Variants in ARMH3 observed in about 807,000 individuals in gnomAD.
The protein encoded by ARMH3 is armadillo-like helical domain-containing protein 3.
A neutral mutation model predicts 99.1 loss-of-function variants in ARMH3; 60 were observed. The ratio of observed to expected loss-of-function variants is 0.61; its 90% CI spans 0.49 to 0.75. The LOEUF (loss-of-function observed/expected upper bound fraction) is 0.75, where lower values mean the gene tolerates loss of function less well. Ranked by LOEUF, ARMH3 falls within the 30% of genes least tolerant of loss-of-function variation. The pLI is 0.00. For missense variants in ARMH3, 679 were observed against 843.1 expected (o/e 0.81, Z 2.41); for synonymous variants, 285 against 292.8 (o/e 0.97, Z 0.27).
At chr10:101,992,732 T>C (rs1307281093) in intron 17 of ARMH3, among the ~76,000 whole-genome samples, 2 of 151,900 alleles carry the variant, frequency 1.3e-5, no homozygotes, top group Non-Finnish European at 2.9e-5. Flanking sequence ...CCTGACCTTG[T>C]GATCCCGCCT....
At chr10:102,029,144 G>C (rs1379337807) in intron 5 of ARMH3, among the ~76,000 whole-genome samples, 1 of 152,192 alleles carries the variant, frequency 6.6e-6, no homozygotes, top group Admixed American at 6.5e-5. Context: ...CAAAGCGCTA[G>C]GATTACAGGC....
At chr10:101,975,065 A>AAAAAAAAAAAAAAAAAAAAAAAAAAC (rs1272423332) in intron 20 of ARMH3, 147 bp downstream of exon 20, 1 of 409,224 alleles carries the variant, frequency 2.4e-6, no homozygotes, top group Non-Finnish European at 4.3e-6. Flanking sequence ...AAAAAAAAAA[A>AAAAAAAAAAAAAAAAAAAAAAAAAAC]AAAAAAAAAG....
At chr10:101,932,666 C>A (rs1843769937) in intron 23 of ARMH3, among the ~76,000 whole-genome samples, 4 of 152,142 alleles carry the variant, frequency 2.6e-5, no homozygotes, top group Non-Finnish European at 5.9e-5. Context: ...TCACGAAGGA[C>A]AAATATTTTA....
intron 24 of ARMH3, among the ~76,000 whole-genome samples, chr10:101,860,282 T>G (rs2135308005): frequency 6.6e-6 from 1 of 152,196 alleles, no homozygotes; most frequent in Middle Eastern, 3.4e-3. Context: ...AGATGAATAG[T>G]TAATATAAGG....
At chr10:101,902,119 C>T (rs1487290103) in intron 23 of ARMH3, among the ~76,000 whole-genome samples, 1 of 152,144 alleles carries the variant, frequency 6.6e-6, no homozygotes, top group Admixed American at 6.5e-5. Flanking sequence ...CTAAGATTTA[C>T]AAATGGCACT....
intron 20 of ARMH3, among the ~76,000 whole-genome samples, chr10:101,962,157 A>G (rs1463098916): frequency 6.6e-6 from 1 of 152,212 alleles, no homozygotes; most frequent in Non-Finnish European, 1.5e-5. Context: ...CCCTCAAAAG[A>G]GAATGGCATA....
chr10:101,896,150 G>A (rs920200471), intron 23 of ARMH3, among the ~76,000 whole-genome samples: 1 of 152,184 alleles, frequency 6.6e-6, no homozygotes, highest in Admixed American at 6.5e-5. Flanking sequence ...CAGATCACTT[G>A]AGCCTAGGAG....
At chr10:102,045,462 C>A (rs942916081) in intron 1 of ARMH3, among the ~76,000 whole-genome samples, 2 of 152,124 alleles carry the variant, frequency 1.3e-5, no homozygotes, top group African/African-American at 4.8e-5. Flanking sequence ...TCTGGAATAA[C>A]AGGAAGAAAC....
Position 102,029,539 on chromosome 10 carries a change from T to C in ARMH3, c.414+99A>G, listed in dbSNP as rs756926543. The C allele has an allele frequency of 2.8e-5, 45 of 1,610,730 alleles. No homozygotes were observed. In the Admixed American group the frequency reaches 7.3e-4, roughly 26 times the overall value. On this transcript the variant is annotated intron_variant, in intron 5 of 25. Coordinates refer to ENST00000370033, the MANE Select transcript of ARMH3 (RefSeq NM_024541.3). Reference sequence around the variant, plus strand: ...GGCCAAATTCAATCATCTGTATCTTTCTGAGTCCAAATCTTTGAGTACATT... The same window carrying C: ...GGCCAAATTCAATCATCTGTATCTTCCTGAGTCCAAATCTTTGAGTACATT...
At chr10:101,910,631 C>G (rs1210712036) in intron 23 of ARMH3, among the ~76,000 whole-genome samples, 1 of 151,188 alleles carries the variant, frequency 6.6e-6, no homozygotes, top group Non-Finnish European at 1.5e-5. Context: ...ACTTGGGAGG[C>G]TGAGGCATAA....
intron 1 of ARMH3, among the ~76,000 whole-genome samples, chr10:102,044,815 G>A (rs1375054976): frequency 6.6e-6 from 1 of 152,102 alleles, no homozygotes; most frequent in Non-Finnish European, 1.5e-5. Flanking sequence ...AAGAAAAAAG[G>A]AAGGGGAAAG....
chr10:102,048,209 C>T (rs1042456009), intron 1 of ARMH3, among the ~76,000 whole-genome samples: 1 of 152,180 alleles, frequency 6.6e-6, no homozygotes, highest in Non-Finnish European at 1.5e-5. Context: ...ATCATTCTCC[C>T]CACATTAAAT....
At chr10:101,863,530 T>C (rs1589924189) in intron 24 of ARMH3, among the ~76,000 whole-genome samples, 2 of 152,282 alleles carry the variant, frequency 1.3e-5, no homozygotes, top group South Asian at 4.1e-4. Flanking sequence ...ACTGTGTGGG[T>C]CCACTTATAT....
intron 20 of ARMH3, among the ~76,000 whole-genome samples, chr10:101,971,719 T>G (rs1372262506): frequency 1.3e-5 from 2 of 152,206 alleles, no homozygotes; most frequent in African/African-American, 4.8e-5. Context: ...AATATATATG[T>G]GCAAATGGAC....
intron 2 of ARMH3, among the ~76,000 whole-genome samples, chr10:102,039,266 T>C (rs553217417): frequency 1.4e-3 from 214 of 152,128 alleles, no homozygotes; most frequent in African/African-American, 5.0e-3. Flanking sequence ...TGCCTCAGCC[T>C]CCCGAATAGC....
At chr10:101,985,660 G>C (rs537620174) in intron 19 of ARMH3, among the ~76,000 whole-genome samples, 2 of 152,116 alleles carry the variant, frequency 1.3e-5, no homozygotes, top group African/African-American at 4.8e-5. Context: ...GTTAGAGTGA[G>C]CCATAATCGT....
At chr10:101,849,604 C>T (rs1269752450) in intron 25 of ARMH3, among the ~76,000 whole-genome samples, 172 bp downstream of exon 25, 4 of 152,172 alleles carry the variant, frequency 2.6e-5, no homozygotes, top group African/African-American at 4.8e-5. Flanking sequence ...AATACTACCT[C>T]GAATAGCATC....
At chr10:101,950,488 T>C (rs992528030) in intron 22 of ARMH3, among the ~76,000 whole-genome samples, 5 of 152,114 alleles carry the variant, frequency 3.3e-5, no homozygotes, top group Non-Finnish European at 7.4e-5. Context: ...ACACAAAAAT[T>C]TGTACATGGA....
At chr10:101,966,898 G>A (rs1352671152) in intron 20 of ARMH3, among the ~76,000 whole-genome samples, 2 of 152,066 alleles carry the variant, frequency 1.3e-5, no homozygotes, top group Non-Finnish European at 2.9e-5. Context: ...TCAGGCCTCT[G>A]CCTCAAAAAA....
Sources: gnomAD v4.1 joint callset for allele counts (sites outside exome capture counted in the v4.1 genomes callset) on GRCh38, gnomAD v4.1.1 for gene constraint, MANE v1.5 for transcripts, NCBI Gene and HGNC (gene_info 2026-07-23, HGNC 2026-07-21) for gene names.